CNBD2: variants seen among roughly 807,000 people sequenced by gnomAD.
CNBD2 encodes the protein cyclic nucleotide binding domain containing 2.
A neutral mutation model predicts 63.7 loss-of-function variants in CNBD2; 64 were observed. The observed-to-expected ratio is 1.00, with a 90% confidence interval of 0.82 to 1.24. CNBD2 has a LOEUF of 1.24. CNBD2 is among the 50% of genes most tolerant of loss of function. The pLI, the probability that CNBD2 is intolerant of heterozygous loss-of-function variation, is 0.00. For synonymous variants in CNBD2, 229 were observed against 255.4 expected, an observed-to-expected ratio of 0.90 and a Z score of 0.99; for missense variants, 691 against 713.5, an observed-to-expected ratio of 0.97 and a Z score of 0.36.
intron 3 of CNBD2, 114 bp downstream of exon 3, chr20:35,976,116 T>G: frequency 3.4e-6 from 3 of 876,702 alleles, no homozygotes; most frequent in Non-Finnish European, 5.6e-6. Flanking sequence ...TGCCACCAAC[T>G]CAGCTTGTCA....
chr20:36,012,422 G>A (rs536593298), intron 10 of CNBD2, among the ~76,000 whole-genome samples: 2 of 151,196 alleles, frequency 1.3e-5, no homozygotes, highest in African/African-American at 4.9e-5. Context: ...AGGTTGAAGT[G>A]AGCCGAGATT....
intron 8 of CNBD2, among the ~76,000 whole-genome samples, chr20:36,006,250 G>A (rs1012303353): frequency 5.9e-5 from 9 of 151,906 alleles, no homozygotes; most frequent in Admixed American, 2.6e-4. Flanking sequence ...GGCTGGTCTC[G>A]AACTCCTGAC....
intron 4 of CNBD2, among the ~76,000 whole-genome samples, chr20:35,983,733 G>T (rs531682964): frequency 1.3e-5 from 2 of 152,296 alleles, no homozygotes; most frequent in South Asian, 4.1e-4. Context: ...CCAAGCACAC[G>T]CAGCAGTGAC....
chr20:35,975,457 C>G (rs1324859064), intron 2 of CNBD2, among the ~76,000 whole-genome samples: 1 of 101,518 alleles, frequency 9.9e-6, no homozygotes, highest in Non-Finnish European at 2.0e-5. Flanking sequence ...CCCGCTACCA[C>G]GCCCGGCTAA....
chr20:36,028,646 T>A (rs2057308453), intron 11 of CNBD2, among the ~76,000 whole-genome samples: 1 of 149,026 alleles, frequency 6.7e-6, no homozygotes, highest in Admixed American at 6.6e-5. Context: ...GAACTAATGC[T>A]GGGGATTGCC....
At chr20:36,004,904 A>G (rs1013923037) in intron 8 of CNBD2, among the ~76,000 whole-genome samples, 31 of 152,148 alleles carry the variant, frequency 2.0e-4, no homozygotes, top group African/African-American at 7.5e-4. Context: ...ATGTTGTCCA[A>G]TATTTTCAAG....
intron 10 of CNBD2, among the ~76,000 whole-genome samples, chr20:36,017,893 G>A (rs1438964396): frequency 6.6e-6 from 1 of 152,092 alleles, no homozygotes; most frequent in Non-Finnish European, 1.5e-5. Flanking sequence ...CTGCCTCCCA[G>A]CCTCCATAGT....
At chr20:35,957,157 A>G (rs529192759), downstream of CNBD2, among the ~76,000 whole-genome samples, 14 of 152,338 alleles carry the variant, frequency 9.2e-5, no homozygotes, top group African/African-American at 1.7e-4. Context: ...GAGATCTATT[A>G]GAATCATTGA....
chr20:36,010,402 C>A (rs1274723834), intron 9 of CNBD2, among the ~76,000 whole-genome samples: 1 of 150,744 alleles, frequency 6.6e-6, no homozygotes, highest in Non-Finnish European at 1.5e-5. Context: ...CAAGATTGTG[C>A]CACTGCACTC....
At chr20:35,967,858 C>CA (rs1568845170), upstream of CNBD2, among the ~76,000 whole-genome samples, 1 of 152,106 alleles carries the variant, frequency 6.6e-6, no homozygotes, top group East Asian at 1.9e-4. Context: ...TCTCAAAAAA[C>CA]AAAAAAGCCC....
chr20:35,976,338 G>T (rs2056518322), intron 3 of CNBD2, among the ~76,000 whole-genome samples: 1 of 152,216 alleles, frequency 6.6e-6, no homozygotes, highest in Non-Finnish European at 1.5e-5. Flanking sequence ...GAGAGAGGAA[G>T]AATTCAGGTG....
At chr20:35,992,286 G>A (rs951491762) in intron 7 of CNBD2, among the ~76,000 whole-genome samples, 4 of 152,188 alleles carry the variant, frequency 2.6e-5, no homozygotes, top group Admixed American at 6.5e-5. Context: ...AGGCTTCCAG[G>A]CGATTCCAAT....
chr20:35,973,429 G>A (rs1445662288), intron 2 of CNBD2: 1 of 152,184 alleles, frequency 6.6e-6, no homozygotes, highest in Admixed American at 6.6e-5. Flanking sequence ...TTATTTTTTT[G>A]AGACGGAGTC....
intron 7 of CNBD2, 94 bp downstream of exon 7, chr20:35,987,627 T>A: frequency 7.0e-7 from 1 of 1,423,312 alleles, no homozygotes. Flanking sequence ...TGAGCCCTTT[T>A]CTGCAACCTG....
intron 11 of CNBD2, among the ~76,000 whole-genome samples, chr20:36,024,520 T>A (rs977694641): frequency 6.6e-6 from 1 of 151,538 alleles, no homozygotes; most frequent in Non-Finnish European, 1.5e-5. Context: ...TCCCAGCTAC[T>A]CGGGAGGCTG....
intron 8 of CNBD2, among the ~76,000 whole-genome samples, chr20:36,000,580 A>C (rs1362763392): frequency 1.3e-5 from 2 of 151,848 alleles, no homozygotes; most frequent in Non-Finnish European, 2.9e-5. Context: ...GGTTTCTGAG[A>C]TGGAGTCTTG....
rs746330374 is a variant in CNBD2 at position 35,984,081 on chromosome 20, C to T, written c.507C>T (p.Gly169=). The T allele has an allele frequency of 7.4e-6, 12 of 1,613,744 alleles. No homozygotes were observed. In the Admixed American group the frequency reaches 1.3e-4, roughly 18 times the overall value. Residue 169 remains glycine (G), a synonymous_variant, in exon 5 of 12, where the codon GGC becomes GGT. Coordinates refer to ENST00000373973, the MANE Select transcript of CNBD2 (RefSeq NM_001365709.1). The part of the protein sequence containing the change: ...GTVAITKDED[G]SSAFLDPHPK... ...TTGCAATAACCAAGGACGAGGATGG[C>T]AGCAGTGCCTTCCTAGATCCCCACC...
In CNBD2 at chr20:35,984,129, C is replaced by T; in HGVS notation, c.555C>T (p.Ser185=). 6.2e-7 allele frequency: 1 copy of T among 1,605,284 alleles called. No homozygotes were observed. Among genetic ancestry groups the T allele is most frequent in the Non-Finnish European group, 8.5e-7 (1 of 1,175,224 alleles). ...ACCCGAAATTGCTGCACAAGGGTAGCTGTTTTGGGGTAAGCCCAGGGGAAG... is the reference window on the plus strand; with the variant it reads ...ACCCGAAATTGCTGCACAAGGGTAGTTGTTTTGGGGTAAGCCCAGGGGAAG... ...DPHPKLLHKG[S]CFGEMDVLHA... is the part of the protein sequence containing the mutation. Residue 185 remains serine (S), a synonymous_variant, in exon 5 of 12, where the codon AGC becomes AGT. Transcript: ENST00000373973.
chr20:35,959,582 G>T (rs956653246), downstream of CNBD2: 1 of 152,120 alleles, frequency 6.6e-6, no homozygotes, highest in African/African-American at 2.4e-5. Context: ...AACAGTATGG[G>T]GGAACTACCC....
Sources: allele counts gnomAD v4.1 joint callset (sites outside exome capture counted in the v4.1 genomes callset), GRCh38; gene constraint gnomAD v4.1.1; transcripts MANE v1.5; gene names NCBI Gene and HGNC (gene_info 2026-07-23, HGNC 2026-07-21).